Variants in CCDC149 observed in about 807,000 individuals in gnomAD.
CCDC149 encodes coiled-coil domain containing 149.
A neutral mutation model predicts 59.9 loss-of-function variants in CCDC149; 45 were observed. That is an observed-to-expected ratio of 0.75 (90% CI 0.59 to 0.96). CCDC149 has a LOEUF of 0.96. CCDC149 is among the 40% of genes least tolerant of loss of function. The pLI is 0.00. For missense variants in CCDC149, 584 were observed against 664.7 expected (o/e 0.88, Z 1.33); for synonymous variants, 245 against 260.6 (o/e 0.94, Z 0.58).
chr4:24,869,324 G>A (rs991826525), intron 3 of CCDC149, among the ~76,000 whole-genome samples: 4 of 152,202 alleles, frequency 2.6e-5, no homozygotes, highest in African/African-American at 9.6e-5. Flanking sequence ...TTCTGAGGAG[G>A]AAGCAGGCGC....
intron 1 of CCDC149, among the ~76,000 whole-genome samples, chr4:24,883,652 T>G (rs185844984): frequency 1.3e-5 from 2 of 152,292 alleles, no homozygotes; most frequent in Admixed American, 1.3e-4. Context: ...GCCCCCTACA[T>G]TGAGGTTATT....
At chr4:24,924,216 A>G (rs1722375662) in intron 1 of CCDC149, among the ~76,000 whole-genome samples, 1 of 151,858 alleles carries the variant, frequency 6.6e-6, no homozygotes, top group Admixed American at 6.6e-5. Context: ...CCATAAAGTG[A>G]TGAGATCAGA....
intron 1 of CCDC149, among the ~76,000 whole-genome samples, chr4:24,892,987 C>T (rs1046223181): frequency 6.6e-6 from 1 of 152,166 alleles, no homozygotes; most frequent in African/African-American, 2.4e-5. Flanking sequence ...GAAAAGGGGG[C>T]TGATCGCCCT....
chr4:24,927,938 T>G (rs537004406), intron 1 of CCDC149, among the ~76,000 whole-genome samples: 3 of 151,894 alleles, frequency 2.0e-5, no homozygotes, highest in African/African-American at 7.2e-5. Flanking sequence ...GCCCCATGAA[T>G]AGAGTCTAGA....
At chr4:24,954,588 G>A (rs1723408583) in intron 1 of CCDC149, among the ~76,000 whole-genome samples, 1 of 152,200 alleles carries the variant, frequency 6.6e-6, no homozygotes, top group South Asian at 2.1e-4. Flanking sequence ...GCTGCACCTA[G>A]GCCCACTTGA....
chr4:24,808,671 C>T lies in CCDC149; in HGVS notation c.1341G>A (p.Gln447=). The stretch of plus-strand genomic sequence containing the variant: ...TGTTTACTTCTTCCTCAGAAGGTAA[C>T]TGGGGTAATGAAGGATGAAAGAGCT... The change falls in exon 13 of 13, where the codon CAG becomes CAA. Residue 447 remains glutamine, a synonymous_variant. Coordinates refer to ENST00000635206, the MANE Select transcript of CCDC149 (RefSeq NM_001330643.2). 6.4e-7 allele frequency: 1 copy of T among 1,552,412 alleles called. No homozygotes were observed. Among genetic ancestry groups the T allele is most frequent in the Non-Finnish European group, 8.7e-7 (1 of 1,147,146 alleles).
intron 1 of CCDC149, among the ~76,000 whole-genome samples, chr4:24,882,838 C>G (rs866081716): frequency 2.6e-5 from 4 of 152,202 alleles, no homozygotes; most frequent in Non-Finnish European, 4.4e-5. Flanking sequence ...CTCACCCTTA[C>G]AAATCTCTAC....
At chr4:24,895,914 C>T (rs534581196) in intron 1 of CCDC149, among the ~76,000 whole-genome samples, 74 of 152,284 alleles carry the variant, frequency 4.9e-4, no homozygotes, top group African/African-American at 1.7e-3. Context: ...TAGAACCAGA[C>T]CCCAAAAGTC....
chr4:24,835,896 T>C (rs988088678), intron 7 of CCDC149, among the ~76,000 whole-genome samples: 3 of 152,238 alleles, frequency 2.0e-5, no homozygotes, highest in Non-Finnish European at 2.9e-5. Context: ...TCTGCAGAAA[T>C]AGATATTATC....
At chr4:24,856,675 G>A (rs984415172) in intron 3 of CCDC149, among the ~76,000 whole-genome samples, 2 of 152,220 alleles carry the variant, frequency 1.3e-5, no homozygotes, top group South Asian at 4.1e-4. Flanking sequence ...GGACTACAGC[G>A]AAGTCGAGAG....
At chr4:24,973,418 A>C (rs1419314027) in intron 1 of CCDC149, among the ~76,000 whole-genome samples, 1 of 152,176 alleles carries the variant, frequency 6.6e-6, no homozygotes, top group Admixed American at 6.5e-5. Flanking sequence ...CCAATTGTAC[A>C]CTTTAAGTAT....
At chr4:24,935,203 G>A (rs770334410) in intron 1 of CCDC149, among the ~76,000 whole-genome samples, 7 of 152,172 alleles carry the variant, frequency 4.6e-5, no homozygotes, top group Non-Finnish European at 8.8e-5. Context: ...AATGCTTGCA[G>A]ATAGATTGGA....
At chr4:24,905,842 T>C (rs1721475390) in intron 1 of CCDC149, among the ~76,000 whole-genome samples, 1 of 152,182 alleles carries the variant, frequency 6.6e-6, no homozygotes, top group Non-Finnish European at 1.5e-5. Flanking sequence ...ATGACTATGC[T>C]CAGACCAATG....
chr4:24,826,437 A>G (rs190840930), intron 9 of CCDC149, among the ~76,000 whole-genome samples: 1 of 152,286 alleles, frequency 6.6e-6, no homozygotes, highest in Admixed American at 6.5e-5. Context: ...CAGGGGTGCT[A>G]CAGGAATGGG....
intron 1 of CCDC149, among the ~76,000 whole-genome samples, chr4:24,892,054 A>T (rs1720558261): frequency 6.6e-6 from 1 of 152,196 alleles, no homozygotes; most frequent in Non-Finnish European, 1.5e-5. Context: ...CATCATAAAT[A>T]GTAGCGTCAA....
At chr4:24,894,107 T>C (rs1720703873) in intron 1 of CCDC149, among the ~76,000 whole-genome samples, 1 of 152,194 alleles carries the variant, frequency 6.6e-6, no homozygotes, top group African/African-American at 2.4e-5. Context: ...ACTTATCTTT[T>C]AGCTGTACTG....
At chr4:24,948,133 T>C (rs912663609) in intron 1 of CCDC149, among the ~76,000 whole-genome samples, 2 of 152,192 alleles carry the variant, frequency 1.3e-5, no homozygotes, top group Non-Finnish European at 2.9e-5. Flanking sequence ...AAACCTATCC[T>C]GAAAAATCAG....
intron 1 of CCDC149, among the ~76,000 whole-genome samples, chr4:24,959,919 A>G (rs918893842): frequency 1.3e-5 from 2 of 152,378 alleles, no homozygotes; most frequent in Admixed American, 6.5e-5. Context: ...GAAGTCCTTC[A>G]GGCAGAAGGA....
chr4:24,915,599 C>T (rs1032122894), upstream of CCDC149, among the ~76,000 whole-genome samples: 1 of 152,172 alleles, frequency 6.6e-6, no homozygotes, highest in East Asian at 1.9e-4. Context: ...ACAGTTATTA[C>T]GGTATTTAAA....
Sources: allele counts gnomAD v4.1 joint callset (sites outside exome capture counted in the v4.1 genomes callset), GRCh38; gene constraint gnomAD v4.1.1; transcripts MANE v1.5; gene names NCBI Gene and HGNC (gene_info 2026-07-23, HGNC 2026-07-21).